The following PTPA variants were observed in gnomAD, a reference collection of about 807,000 sequenced individuals.
The protein encoded by PTPA is protein phosphatase 2 phosphatase activator, also known as serine/threonine-protein phosphatase 2A activator.
A neutral mutation model predicts 43.6 loss-of-function variants in PTPA; 13 were observed. The observed-to-expected ratio is 0.30, with a 90% confidence interval of 0.19 to 0.47. PTPA has a LOEUF of 0.47. PTPA is among the 20% of genes least tolerant of loss of function. The pLI, the probability that PTPA is intolerant of heterozygous loss-of-function variation, is 0.99. For synonymous variants in PTPA, 172 were observed against 158.2 expected, an observed-to-expected ratio of 1.09 and a Z score of -0.66; for missense variants, 329 against 411.9, an observed-to-expected ratio of 0.80 and a Z score of 1.74.
At chr9:129,120,352 A>C (rs1231036981) in intron 1 of PTPA, among the ~76,000 whole-genome samples, 161 bp from the exon 2 acceptor site, 1 of 148,346 alleles carries the variant, frequency 6.7e-6, no homozygotes, top group Non-Finnish European at 1.5e-5. Flanking sequence ...TGAACCCTGG[A>C]GGTGGAGGTT....
At chr9:129,135,669 G>A (rs988219576) in intron 6 of PTPA, among the ~76,000 whole-genome samples, 1 of 152,270 alleles carries the variant, frequency 6.6e-6, no homozygotes, top group Non-Finnish European at 1.5e-5. Context: ...ATGTGGATCA[G>A]TTACCCAGAG....
At chr9:129,111,904 C>A in intron 1 of PTPA, 1 of 774,310 alleles carries the variant, frequency 1.3e-6, no homozygotes, top group Non-Finnish European at 1.7e-6. Flanking sequence ...GGGTGGGCAG[C>A]GCCGTGGTCA....
intron 7 of PTPA, 83 bp from the exon 8 acceptor site, chr9:129,137,509 T>G: frequency 8.9e-7 from 1 of 1,121,096 alleles, no homozygotes; most frequent in Non-Finnish European, 1.3e-6. Context: ...CTGAGGCCCC[T>G]GGGGGGGTGT....
intron 3 of PTPA, among the ~76,000 whole-genome samples, chr9:129,125,056 G>T (rs1232177840): frequency 1.3e-5 from 2 of 152,182 alleles, no homozygotes; most frequent in Non-Finnish European, 2.9e-5. Context: ...TGGGACTGAG[G>T]CTCTGGGTGC....
chr9:129,146,767 G>T (rs542098791), intron 9 of PTPA, among the ~76,000 whole-genome samples: 3 of 152,204 alleles, frequency 2.0e-5, no homozygotes, highest in Non-Finnish European at 2.9e-5. Flanking sequence ...TCTGCTAGGA[G>T]CCCGGGCTGG....
At position 129,123,117 on chromosome 9, in the gene PTPA, C is replaced by T. The variant is rs751755900; in HGVS notation, c.195C>T (p.Thr65=). ...LNEGVKGKKL[T]FEYRVSEAIE... ...AAGGTGTGAAGGGGAAGAAGCTGAC[C>T]TTCGAGTACAGAGTCTCCGAGGTAG... Residue 65 remains threonine, a synonymous_variant, in exon 3 of 10, where the codon ACC becomes ACT. Transcript: ENST00000393370. The T allele has an allele frequency of 1.9e-6, 3 of 1,611,426 alleles. No individual in the cohort carries two copies. Among genetic ancestry groups the T allele is most frequent in the Non-Finnish European group, 8.5e-7 (1 of 1,178,028 alleles).
At chr9:129,113,683 T>G (rs568858316) in intron 1 of PTPA, among the ~76,000 whole-genome samples, 4 of 151,922 alleles carry the variant, frequency 2.6e-5, no homozygotes, top group Non-Finnish European at 2.9e-5. Context: ...GGCAGGAGAA[T>G]CACTTGAACC....
Position 129,136,642 on chromosome 9 carries a change from C to T in PTPA, c.685+47C>T, listed in dbSNP as rs754590808. ...ATCCCTCCACCCCCAACCAAGGCTG[C>T]GTTCTGTGGCCCTCCCCTGCCCCTC... is the stretch of plus-strand genomic sequence containing the variant. On this transcript the variant is annotated intron_variant, in intron 7 of 9. Transcript: ENST00000393370. The T allele has an allele frequency of 3.9e-5, 61 of 1,551,760 alleles. No individual in the cohort carries two copies. The Admixed American group carries it at 8.4e-4, about 21-fold the overall frequency.
intron 1 of PTPA, among the ~76,000 whole-genome samples, chr9:129,113,360 G>A (rs977234337): frequency 6.6e-6 from 1 of 151,610 alleles, no homozygotes; most frequent in Admixed American, 6.6e-5. Flanking sequence ...AAAGTGCTGG[G>A]ATTACAGGCA....
intron 8 of PTPA, among the ~76,000 whole-genome samples, chr9:129,138,349 G>A (rs1412581761): frequency 6.6e-6 from 1 of 152,164 alleles, no homozygotes. Context: ...TTGTTAAAAC[G>A]CACATTCCTG....
At chr9:129,112,387 AC>A (rs1199419052) in intron 1 of PTPA, among the ~76,000 whole-genome samples, 1 of 152,194 alleles carries the variant, frequency 6.6e-6, no homozygotes, top group African/African-American at 2.4e-5. Flanking sequence ...GCCATAGATA[AC>A]TTTTACATTC....
intron 1 of PTPA, among the ~76,000 whole-genome samples, chr9:129,112,936 C>T (rs535404280): frequency 1.6e-4 from 5 of 31,146 alleles, no homozygotes; most frequent in East Asian, 2.2e-3. Flanking sequence ...AGTGAAACTC[C>T]GTCACCCCCC....
rs1285588311 is a variant in PTPA, at chr9:129,125,355, G to A, written c.216+2217G>A. Among the ~76,000 whole-genome samples the A allele has an allele frequency of 4.0e-5, 6 of 151,810 alleles. No homozygotes were observed. The South Asian group carries it at 1.0e-3, about 26-fold the overall frequency. ...CAGCCTCCACCTCCCAGGCTCAAGC[G>A]ATTCTCCTGCCTCAGCCTCCCGAGT... On this transcript the variant is annotated intron_variant, in intron 3 of 9. Coordinates refer to ENST00000393370, the MANE Select transcript of PTPA (RefSeq NM_178000.3).
At chr9:129,143,177 C>T (rs2131626233) in intron 9 of PTPA, 2 of 619,158 alleles carry the variant, frequency 3.2e-6, no homozygotes, top group East Asian at 2.7e-5. Context: ...GCACTGTTCT[C>T]CCAGCCAAGG....
At position 129,142,347 on chromosome 9, in the gene PTPA, T is replaced by C. The variant is rs951509320; in HGVS notation, c.787-98T>C. On this transcript the variant is annotated intron_variant, in intron 8 of 9. Coordinates refer to ENST00000393370, the MANE Select transcript of PTPA (RefSeq NM_178000.3). Reference sequence around the variant, plus strand: ...TTGTGTGCGTGTGCGTTTGTGTGTGTGTGTGTGTGCATGCATGGGTGTGAC... The same window carrying C: ...TTGTGTGCGTGTGCGTTTGTGTGTGCGTGTGTGTGCATGCATGGGTGTGAC... 3 of 1,090,392 alleles carry C rather than the reference T, an allele frequency of 2.8e-6. No individual in the cohort carries two copies. The African/African-American group carries it at 4.8e-5, about 17-fold the overall frequency. 67.5% of individuals were successfully genotyped at this position (1,090,392 alleles called of 1,614,324 possible).
At chr9:129,143,061 C>T in intron 9 of PTPA, 1 of 760,656 alleles carries the variant, frequency 1.3e-6, no homozygotes, top group Non-Finnish European at 2.1e-6. Context: ...GATTTTGATG[C>T]AAATGGTTTT....
chr9:129,142,549 C>T lies in PTPA; in HGVS notation c.891C>T (p.Ala297=), dbSNP rs749967640. ...VNQGLIRMYK[A]ECLEKFPVIQ... is the part of the protein sequence containing the mutation. The stretch of plus-strand genomic sequence containing the variant: ...AGGGTCTCATCCGCATGTATAAGGC[C>T]GAGGTGAGTGGGGGCTGGCCAGTGT... The change falls in exon 9 of 10, where the codon GCC becomes GCT. Residue 297 remains alanine (A), a synonymous_variant. Transcript: ENST00000393370. 21 of 1,613,990 alleles carry T rather than the reference C, an allele frequency of 1.3e-5. No homozygotes were observed. Among genetic ancestry groups the T allele is most frequent in the South Asian group, 3.3e-5 (3 of 91,080 alleles).
At chr9:129,127,093 C>T (rs1322913223) in intron 3 of PTPA, among the ~76,000 whole-genome samples, 1 of 152,196 alleles carries the variant, frequency 6.6e-6, no homozygotes, top group Non-Finnish European at 1.5e-5. Context: ...TGGCAGCGCT[C>T]TCACATTTCA....
chr9:129,137,935 G>T (rs1850489870), intron 8 of PTPA: 3 of 518,452 alleles, frequency 5.8e-6, no homozygotes, highest in Non-Finnish European at 1.1e-5. Flanking sequence ...CTTGAGATGA[G>T]GGTCTAAGAC....
Sources: allele counts gnomAD v4.1 joint callset (sites outside exome capture counted in the v4.1 genomes callset), GRCh38; gene constraint gnomAD v4.1.1; transcripts MANE v1.5; gene names NCBI Gene and HGNC (gene_info 2026-07-23, HGNC 2026-07-21).